Variants in ANKRD6 observed in about 807,000 individuals in gnomAD.
ANKRD6 encodes ankyrin repeat domain-containing protein 6.
ANKRD6 carries 56 observed loss-of-function variants against 82.3 expected under a neutral mutation model. The observed-to-expected ratio is 0.68, with a 90% CI of 0.55 to 0.85. The LOEUF is 0.85. ANKRD6 is among the 40% of genes least tolerant of loss of function. The probability of loss-of-function intolerance (pLI) is 0.00; values close to 1 mark genes in which losing one functional copy is unlikely to be tolerated. For missense variants in ANKRD6, 852 were observed against 907.6 expected, an observed-to-expected ratio of 0.94 and a Z score of 0.79; for synonymous variants, 347 against 352.1, an observed-to-expected ratio of 0.99 and a Z score of 0.16.
At position 89,603,058 on chromosome 6, in the gene ANKRD6, A is replaced by T. The variant is rs777847121; in HGVS notation, c.249A>T (p.Thr83=). 1 of 1,608,506 alleles carries T rather than the reference A, an allele frequency of 6.2e-7. No individual in the cohort carries two copies. The highest frequency in any genetic ancestry group is 8.5e-7 in the Non-Finnish European group (1 of 1,177,878). ...DGDQTALHRA[T]VVGNTEIIAA... ...ACCAGACCGCCTTGCACCGGGCCAC[A>T]GTGGTGGGGAACACGGAGATCATCG... Residue 83 remains threonine (T), a synonymous_variant, in exon 4 of 16, where the codon ACA becomes ACT. Transcript: ENST00000339746.
intron 1 of ANKRD6, among the ~76,000 whole-genome samples, chr6:89,444,841 A>T (rs1771861949): frequency 6.6e-6 from 1 of 152,058 alleles, no homozygotes; most frequent in Admixed American, 6.6e-5. Context: ...GGTGGCGCAC[A>T]CCTGTAGTCC....
At chr6:89,453,588 C>A (rs1247310579) in intron 1 of ANKRD6, among the ~76,000 whole-genome samples, 2 of 149,866 alleles carry the variant, frequency 1.3e-5, no homozygotes, top group African/African-American at 4.9e-5. Flanking sequence ...CCAACAATTC[C>A]TTTTTTTTTG....
At chr6:89,438,469 C>A (rs1770926253) in intron 1 of ANKRD6, among the ~76,000 whole-genome samples, 1 of 152,180 alleles carries the variant, frequency 6.6e-6, no homozygotes, top group Admixed American at 6.5e-5. Flanking sequence ...ATGGCCTCAA[C>A]TAGATTCAAG....
intron 9 of ANKRD6, 34 bp downstream of exon 9, chr6:89,618,065 A>G: frequency 1.9e-6 from 3 of 1,609,746 alleles, no homozygotes; most frequent in Non-Finnish European, 8.5e-7. Flanking sequence ...GGTACTGATT[A>G]TGCGGGACTA....
At chr6:89,591,054 T>C (rs1794791293) in intron 2 of ANKRD6, among the ~76,000 whole-genome samples, 1 of 152,148 alleles carries the variant, frequency 6.6e-6, no homozygotes, top group Non-Finnish European at 1.5e-5. Context: ...TGACGATAAC[T>C]GGGGTAGGAC....
At chr6:89,450,205 CAG>C (rs1308268486) in intron 1 of ANKRD6, among the ~76,000 whole-genome samples, 1 of 151,872 alleles carries the variant, frequency 6.6e-6, no homozygotes, top group Non-Finnish European at 1.5e-5. Context: ...GGTGTGGTGG[CAG>C]GCGCCTATAA....
At chr6:89,509,836 A>G (rs911796804) in intron 1 of ANKRD6, among the ~76,000 whole-genome samples, 2 of 152,348 alleles carry the variant, frequency 1.3e-5, no homozygotes, top group East Asian at 1.9e-4. Flanking sequence ...TGATGTCTAG[A>G]TAGTGAGTGA....
chr6:89,596,074 A>G, intron 3 of ANKRD6, 60 bp downstream of exon 3: 1 of 1,419,776 alleles, frequency 7.0e-7, no homozygotes, highest in Non-Finnish European at 9.8e-7. Flanking sequence ...CTGGCTAGAA[A>G]TCCACAAAGT....
intron 1 of ANKRD6, among the ~76,000 whole-genome samples, chr6:89,529,395 C>T (rs1209490929): frequency 6.6e-6 from 1 of 152,248 alleles, no homozygotes. Flanking sequence ...TTCCTCACCT[C>T]TCAGCCTTTG....
At chr6:89,501,350 T>A (rs1198074342) in intron 1 of ANKRD6, among the ~76,000 whole-genome samples, 1 of 152,252 alleles carries the variant, frequency 6.6e-6, no homozygotes, top group Admixed American at 6.5e-5. Context: ...CAAGTTGAGC[T>A]TGGAGTCAGT....
chr6:89,611,969 G>A (rs1056923112), intron 5 of ANKRD6, among the ~76,000 whole-genome samples: 1 of 152,216 alleles, frequency 6.6e-6, no homozygotes, highest in African/African-American at 2.4e-5. Context: ...TTAGGATGTG[G>A]GGGTCATGCT....
At chr6:89,548,503 T>C (rs1470259795) in intron 1 of ANKRD6, among the ~76,000 whole-genome samples, 1 of 152,230 alleles carries the variant, frequency 6.6e-6, no homozygotes, top group African/African-American at 2.4e-5. Context: ...TGTATACAAG[T>C]TTTGTGTGGT....
chr6:89,446,042 G>A (rs1253796527), intron 1 of ANKRD6, among the ~76,000 whole-genome samples: 2 of 152,018 alleles, frequency 1.3e-5, no homozygotes, highest in East Asian at 1.9e-4. Flanking sequence ...TATTCCCTAA[G>A]ACACAGCAAT....
chr6:89,447,186 T>C (rs541090545), intron 1 of ANKRD6, among the ~76,000 whole-genome samples: 7 of 152,030 alleles, frequency 4.6e-5, no homozygotes, highest in Admixed American at 3.9e-4. Context: ...GCCTGGGAGG[T>C]TGAGGCTGCA....
intron 5 of ANKRD6, among the ~76,000 whole-genome samples, chr6:89,610,700 C>T (rs769399897): frequency 1.3e-5 from 2 of 151,868 alleles, no homozygotes; most frequent in African/African-American, 4.8e-5. Flanking sequence ...CTGGGCAGAC[C>T]CCTTGTTGCT....
chr6:89,477,978 A>G (rs780369522), intron 1 of ANKRD6, among the ~76,000 whole-genome samples: 5 of 152,160 alleles, frequency 3.3e-5, no homozygotes, highest in Non-Finnish European at 7.3e-5. Flanking sequence ...GCATTGAATT[A>G]TCTCTGTCCT....
At chr6:89,538,799 T>TA (rs542503163) in intron 1 of ANKRD6, among the ~76,000 whole-genome samples, 1,663 of 149,310 alleles carry the variant, frequency 0.011, 13 homozygotes, top group African/African-American at 0.024. Context: ...ACTTTTTCTT[T>TA]AAAAAAAAAA....
chr6:89,489,414 G>A (rs1277056120), intron 1 of ANKRD6, among the ~76,000 whole-genome samples: 2 of 152,138 alleles, frequency 1.3e-5, no homozygotes, highest in Non-Finnish European at 2.9e-5. Context: ...TGTAGCCAGG[G>A]CTGGCTCACT....
intron 2 of ANKRD6, among the ~76,000 whole-genome samples, chr6:89,575,482 T>C (rs1790909851): frequency 6.6e-6 from 1 of 152,150 alleles, no homozygotes; most frequent in Non-Finnish European, 1.5e-5. Flanking sequence ...AAGTTTAGAT[T>C]GTGAACTTTC....
Sources: gnomAD v4.1 joint callset for allele counts (sites outside exome capture counted in the v4.1 genomes callset) on GRCh38, gnomAD v4.1.1 for gene constraint, MANE v1.5 for transcripts, NCBI Gene and HGNC (gene_info 2026-07-23, HGNC 2026-07-21) for gene names.